The following NRXN3 variants were observed in gnomAD, a reference collection of about 807,000 sequenced individuals.
NRXN3 encodes neurexin 3, also known as neurexin III.
In NRXN3, 32 loss-of-function variants were observed where a neutral mutation model predicts 137.6. The observed-to-expected ratio is 0.23, with a 90% CI of 0.18 to 0.31. NRXN3 has a LOEUF of 0.31. Ranked by LOEUF, NRXN3 falls within the 10% of genes least tolerant of loss-of-function variation. The pLI, the probability that NRXN3 is intolerant of heterozygous loss-of-function variation, is 1.00. For missense variants in NRXN3, 1,574 were observed against 2,062.5 expected (o/e 0.76, Z 4.59); for synonymous variants, 798 against 784.5 (o/e 1.02, Z -0.29).
In NRXN3 at chr14:79,620,683, G is replaced by C. The variant is rs144886640; in HGVS notation, c.3445-43095G>C. Among the ~76,000 whole-genome samples, 138 of 152,248 alleles carry C rather than the reference G, an allele frequency of 9.1e-4. 1 individual carries two copies. Among genetic ancestry groups the C allele is most frequent in the African/African-American group, 3.1e-3 (128 of 41,554 alleles). On this transcript the variant is annotated intron_variant, in intron 16 of 20. Coordinates refer to ENST00000335750, the MANE Select transcript of NRXN3 (RefSeq NM_001330195.2). ...TAGAGGCAACTGGCTTTGGAGGAAA[G>C]AGAAAATGAGGGGTTTTCTAATGTT... is the stretch of plus-strand genomic sequence containing the variant.
At chr14:78,301,200 C>T (rs2076845054) in intron 4 of NRXN3, among the ~76,000 whole-genome samples, 1 of 151,324 alleles carries the variant, frequency 6.6e-6, no homozygotes, top group Admixed American at 6.6e-5. Context: ...TGTTGTTTTT[C>T]CTGTATATGT....
At chr14:79,376,282 C>T (rs976529317) in intron 15 of NRXN3, among the ~76,000 whole-genome samples, 1 of 121,642 alleles carries the variant, frequency 8.2e-6, no homozygotes, top group Non-Finnish European at 1.6e-5. Flanking sequence ...ACATATGACT[C>T]CAAAAACAAT....
At chr14:79,766,036 T>C (rs1028793439) in intron 19 of NRXN3, among the ~76,000 whole-genome samples, 2 of 152,226 alleles carry the variant, frequency 1.3e-5, no homozygotes, top group Non-Finnish European at 2.9e-5. Context: ...TTTTAACATA[T>C]AGCATACCTG....
intron 19 of NRXN3, among the ~76,000 whole-genome samples, chr14:79,803,989 A>ATATG (rs927420455): frequency 4.7e-5 from 7 of 148,796 alleles, no homozygotes; most frequent in East Asian, 3.9e-4. Context: ...GTGTATATAT[A>ATATG]TATGTATGTA....
At chr14:79,510,496 A>G (rs1446839263) in intron 16 of NRXN3, among the ~76,000 whole-genome samples, 1 of 152,216 alleles carries the variant, frequency 6.6e-6, no homozygotes, top group Non-Finnish European at 1.5e-5. Flanking sequence ...TCACTCCTGC[A>G]TGACAGGACA....
At chr14:79,586,884 T>C (rs17109520) in intron 16 of NRXN3, among the ~76,000 whole-genome samples, 19,528 of 152,230 alleles carry the variant, frequency 0.13, 1,422 homozygotes, top group South Asian at 0.23. Flanking sequence ...AACTGGCATA[T>C]ACTAGTTCTT....
At chr14:78,836,024 T>C (rs1007840215) in intron 10 of NRXN3, among the ~76,000 whole-genome samples, 2 of 152,046 alleles carry the variant, frequency 1.3e-5, no homozygotes, top group African/African-American at 4.8e-5. Flanking sequence ...ACTGTGGGGG[T>C]GCCCTATAAT....
At chr14:78,755,083 G>T (rs964539351) in intron 8 of NRXN3, among the ~76,000 whole-genome samples, 1 of 152,014 alleles carries the variant, frequency 6.6e-6, no homozygotes, top group African/African-American at 2.4e-5. Flanking sequence ...CTAAAGTGAA[G>T]TGGCACGATC....
At chr14:78,428,382 A>G (rs1228222951) in intron 4 of NRXN3, among the ~76,000 whole-genome samples, 2 of 152,130 alleles carry the variant, frequency 1.3e-5, no homozygotes, top group Non-Finnish European at 2.9e-5. Context: ...GCCCAGCTGT[A>G]TTCCCCAATC....
intron 19 of NRXN3, among the ~76,000 whole-genome samples, chr14:79,756,852 C>T (rs989385155): frequency 2.0e-5 from 3 of 152,080 alleles, no homozygotes; most frequent in Admixed American, 6.6e-5. Flanking sequence ...ACTGGGAACC[C>T]GAAAGTTCAG....
chr14:78,360,779 A>G (rs373702124), intron 4 of NRXN3, among the ~76,000 whole-genome samples: 2 of 152,318 alleles, frequency 1.3e-5, no homozygotes, highest in East Asian at 3.9e-4. Flanking sequence ...AGTTAAGAAG[A>G]TCAGCAGAGG....
At position 79,184,824 on chromosome 14, in the gene NRXN3, C is replaced by G. The variant is rs548598963; in HGVS notation, c.3262+196683C>G. 3.9e-5 allele frequency among the ~76,000 whole-genome samples: 6 copies of G among 152,296 alleles called. No homozygotes were observed. In the East Asian group the frequency reaches 9.6e-4, roughly 24 times the overall value. The stretch of plus-strand genomic sequence containing the variant: ...TTGGCAATCCCTAATGGAAATTGCT[C>G]TCTAATTTTCCTCTAGTCTTCTTAT... On this transcript the variant is annotated intron_variant, in intron 15 of 20. Transcript: ENST00000335750.
chr14:79,607,437 T>C (rs888805863), intron 16 of NRXN3, among the ~76,000 whole-genome samples: 3 of 152,238 alleles, frequency 2.0e-5, no homozygotes, highest in African/African-American at 7.2e-5. Context: ...AGATGCAATA[T>C]GCTTGTTATT....
intron 5 of NRXN3, among the ~76,000 whole-genome samples, chr14:78,647,682 A>G (rs1306650319): frequency 6.6e-6 from 1 of 152,256 alleles, no homozygotes; most frequent in African/African-American, 2.4e-5. Context: ...CCTCATTGAA[A>G]TTCTGACTAA....
intron 4 of NRXN3, among the ~76,000 whole-genome samples, chr14:78,471,291 AACACACACAC>A (rs553942003): frequency 0.064 from 6,220 of 96,794 alleles, 183 homozygotes; most frequent in Middle Eastern, 0.14. Flanking sequence ...CAACACACTC[AACACACACAC>A]ACACACACAC....
chr14:79,048,746 C>T (rs1312251000), intron 15 of NRXN3, among the ~76,000 whole-genome samples: 2 of 151,036 alleles, frequency 1.3e-5, no homozygotes, highest in African/African-American at 4.9e-5. Flanking sequence ...TAAAATAGGC[C>T]GGGCGCGGTG....
At chr14:78,570,746 G>C (rs142353363) in intron 4 of NRXN3, among the ~76,000 whole-genome samples, 2 of 152,212 alleles carry the variant, frequency 1.3e-5, no homozygotes, top group Admixed American at 1.3e-4. Context: ...CAGACAAAGC[G>C]TAATTTACAA....
At chr14:78,880,578 G>T (rs1010187217) in intron 10 of NRXN3, among the ~76,000 whole-genome samples, 2 of 152,114 alleles carry the variant, frequency 1.3e-5, no homozygotes, top group African/African-American at 4.8e-5. Context: ...ATTTGATGCA[G>T]TCCAGAAAGA....
intron 15 of NRXN3, among the ~76,000 whole-genome samples, chr14:79,145,618 G>A (rs1428987424): frequency 6.6e-6 from 1 of 152,158 alleles, no homozygotes; most frequent in African/African-American, 2.4e-5. Context: ...TCCTCAAAAG[G>A]ATAATCTGGA....
Sources: gnomAD v4.1 joint callset for allele counts (sites outside exome capture counted in the v4.1 genomes callset) on GRCh38, gnomAD v4.1.1 for gene constraint, MANE v1.5 for transcripts, NCBI Gene and HGNC (gene_info 2026-07-23, HGNC 2026-07-21) for gene names.